Variants in ADGRV1 observed in about 807,000 individuals in gnomAD.
ADGRV1 encodes the protein G-protein coupled receptor 98.
A neutral mutation model predicts 596.2 loss-of-function variants in ADGRV1; 359 were observed. That is an observed-to-expected ratio of 0.60 (90% CI 0.55 to 0.66). The LOEUF is 0.66. ADGRV1 is among the 30% of genes least tolerant of loss of function. The pLI, the probability that ADGRV1 is intolerant of heterozygous loss-of-function variation, is 0.00. For synonymous variants in ADGRV1, 2,681 were observed against 2,679.2 expected (o/e 1.00, Z -0.02); for missense variants, 7,274 against 7,575.6 (o/e 0.96, Z 1.48).
intron 32 of ADGRV1, among the ~76,000 whole-genome samples, chr5:90,692,993 T>A (rs1347220969): frequency 6.6e-6 from 1 of 152,184 alleles, no homozygotes; most frequent in Non-Finnish European, 1.5e-5. Flanking sequence ...GTGAAATGGG[T>A]AATAAATTTT....
intron 50 of ADGRV1, among the ~76,000 whole-genome samples, chr5:90,737,718 G>C (rs915293502): frequency 6.6e-6 from 1 of 151,816 alleles, no homozygotes; most frequent in African/African-American, 2.4e-5. Context: ...TTTACTTAAA[G>C]TCTATTTTAC....
At chr5:91,023,613 C>T (rs1400726656) in intron 85 of ADGRV1, among the ~76,000 whole-genome samples, 1 of 152,052 alleles carries the variant, frequency 6.6e-6, no homozygotes, top group Non-Finnish European at 1.5e-5. Flanking sequence ...ACCATATCCC[C>T]ATCCATGGTT....
At chr5:90,699,935 ATTGCT>A (rs1212499694) in intron 34 of ADGRV1, among the ~76,000 whole-genome samples, 1 of 152,318 alleles carries the variant, frequency 6.6e-6, no homozygotes, top group South Asian at 2.1e-4. Context: ...AAAACACCAA[ATTGCT>A]TTTCTTGCTG....
At chr5:90,578,322 G>GTGC in intron 1 of ADGRV1, among the ~76,000 whole-genome samples, 1 of 152,300 alleles carries the variant, frequency 6.6e-6, no homozygotes, top group Admixed American at 6.5e-5. Flanking sequence ...TTAGCATGAA[G>GTGC]TGCTGTTGAA....
chr5:90,953,497 C>G (rs1777218360), intron 83 of ADGRV1, among the ~76,000 whole-genome samples: 1 of 152,042 alleles, frequency 6.6e-6, no homozygotes. Flanking sequence ...TCTGGTAATA[C>G]TGGATTTTTT....
chr5:90,563,830 T>C (rs1755183424), intron 1 of ADGRV1, among the ~76,000 whole-genome samples: 1 of 152,226 alleles, frequency 6.6e-6, no homozygotes, highest in African/African-American at 2.4e-5. Flanking sequence ...TCAGCTTCTT[T>C]AGTCGTGAAT....
rs1421669965 is a variant in ADGRV1 at position 90,642,954 on chromosome 5, C to T, written c.2466C>T (p.Phe822=). 1.2e-6 allele frequency: 2 copies of T among 1,613,522 alleles called. No homozygotes were observed. The highest frequency in any genetic ancestry group is 1.7e-6 in the Non-Finnish European group (2 of 1,179,598). Reference sequence around the variant, plus strand: ...TAGAGCCAAGAGATAGCAATGAATTCTATGGAAACACGGGAGTACTAGAAT... The same window carrying T: ...TAGAGCCAAGAGATAGCAATGAATTTTATGGAAACACGGGAGTACTAGAAT... The part of the protein sequence containing the change: ...YRVEPRDSNE[F]YGNTGVLEFK... Residue 822 remains phenylalanine (F), a synonymous_variant, in exon 13 of 90, where the codon TTC becomes TTT. Coordinates refer to ENST00000405460, the MANE Select transcript of ADGRV1 (RefSeq NM_032119.4).
intron 17 of ADGRV1, among the ~76,000 whole-genome samples, 169 bp downstream of exon 17, chr5:90,647,933 G>T (rs771328080): frequency 2.4e-5 from 3 of 123,140 alleles, no homozygotes; most frequent in Non-Finnish European, 5.0e-5. Context: ...GAATGTATGT[G>T]TTGAACCTTT....
At chr5:90,638,011 ATT>A (rs72382716) in intron 11 of ADGRV1, 63 bp downstream of exon 11, 20 of 1,088,492 alleles carry the variant, frequency 1.8e-5, no homozygotes, top group East Asian at 5.2e-5. Context: ...AATAACTTTG[ATT>A]TTTTTTTTAC....
intron 85 of ADGRV1, among the ~76,000 whole-genome samples, chr5:91,045,877 C>G (rs900318542): frequency 6.6e-6 from 1 of 152,120 alleles, no homozygotes; most frequent in Non-Finnish European, 1.5e-5. Flanking sequence ...TATACACCAA[C>G]AGCGACCAAG....
At chr5:90,836,004 T>C (rs530537564) in intron 77 of ADGRV1, among the ~76,000 whole-genome samples, 12 of 152,194 alleles carry the variant, frequency 7.9e-5, no homozygotes, top group Non-Finnish European at 1.6e-4. Context: ...TCAACACCAT[T>C]AGCTATTAGC....
chr5:90,975,756 G>T (rs1476673350), intron 84 of ADGRV1, among the ~76,000 whole-genome samples: 1 of 152,076 alleles, frequency 6.6e-6, no homozygotes. Flanking sequence ...TAATGTAAAT[G>T]ACGAGTTAAT....
chr5:90,564,810 T>A (rs1220907517), intron 1 of ADGRV1, among the ~76,000 whole-genome samples: 6 of 68,566 alleles, frequency 8.8e-5, no homozygotes, highest in Non-Finnish European at 8.7e-5. Flanking sequence ...GTATTTTTAG[T>A]AGAGACGGGG....
chr5:90,570,379 T>C (rs1440161523), intron 1 of ADGRV1, among the ~76,000 whole-genome samples: 1 of 152,166 alleles, frequency 6.6e-6, no homozygotes, highest in Non-Finnish European at 1.5e-5. Context: ...GCTTTGGCAG[T>C]TTCGTATATG....
intron 85 of ADGRV1, among the ~76,000 whole-genome samples, chr5:91,038,791 G>C (rs1785107887): frequency 6.6e-6 from 1 of 152,144 alleles, no homozygotes; most frequent in Non-Finnish European, 1.5e-5. Flanking sequence ...GTAGGGAATT[G>C]AGATGTCACA....
In ADGRV1 at chr5:90,781,509, A is replaced by G; in HGVS notation, c.13162A>G (p.Ile4388Val). 6.2e-7 allele frequency: 1 copy of G among 1,611,436 alleles called. No individual in the cohort carries two copies. The highest frequency in any genetic ancestry group is 8.5e-7 in the Non-Finnish European group (1 of 1,178,590). Reference sequence around the variant, plus strand: ...AATAGGAAACATCTCCATTGTTCGCATCATAATAATGAAAAATGATAACGC... The same window carrying G: ...AATAGGAAACATCTCCATTGTTCGCGTCATAATAATGAAAAATGATAACGC... The part of the protein sequence containing the change: ...PEIGNISIVR[I>V]IIMKNDNAEG... Residue 4388 changes from isoleucine to valine, a missense_variant, in exon 65 of 90, where the codon ATC (isoleucine) becomes GTC (valine). By Grantham distance (29) the Ile-to-Val change is conservative. Coordinates refer to ENST00000405460, the MANE Select transcript of ADGRV1 (RefSeq NM_032119.4).
intron 50 of ADGRV1, among the ~76,000 whole-genome samples, chr5:90,733,071 T>A (rs1752759100): frequency 6.6e-6 from 1 of 152,190 alleles, no homozygotes; most frequent in Non-Finnish European, 1.5e-5. Context: ...GGGCAAGAGT[T>A]GAAGAGGGCC....
At chr5:90,760,321 G>A (rs1415463512) in intron 58 of ADGRV1, among the ~76,000 whole-genome samples, 1 of 150,980 alleles carries the variant, frequency 6.6e-6, no homozygotes, top group East Asian at 1.9e-4. Flanking sequence ...TACCCTTCAT[G>A]TATGAGTCTC....
chr5:90,699,633 A>C (rs1480996771), intron 34 of ADGRV1, among the ~76,000 whole-genome samples: 1 of 152,126 alleles, frequency 6.6e-6, no homozygotes, highest in Non-Finnish European at 1.5e-5. Context: ...TAGGGCCACT[A>C]ATGTTGTGAA....
Sources: allele counts gnomAD v4.1 joint callset (sites outside exome capture counted in the v4.1 genomes callset), GRCh38; gene constraint gnomAD v4.1.1; transcripts MANE v1.5; gene names NCBI Gene and HGNC (gene_info 2026-07-23, HGNC 2026-07-21).